The following SLC14A2 variants were observed in gnomAD, a reference collection of about 807,000 sequenced individuals.
The protein encoded by SLC14A2 is urea transporter 2.
In SLC14A2, 91 loss-of-function variants were observed where a neutral mutation model predicts 104.6. The observed-to-expected ratio is 0.87, with a 90% confidence interval of 0.73 to 1.04. The LOEUF is 1.04. SLC14A2 is among the 50% of genes least tolerant of loss of function. The probability of loss-of-function intolerance (pLI) is 0.00; values close to 1 mark genes in which losing one functional copy is unlikely to be tolerated. For synonymous variants in SLC14A2, 476 were observed against 466.4 expected, an observed-to-expected ratio of 1.02 and a Z score of -0.27; for missense variants, 1,189 against 1,156.0, an observed-to-expected ratio of 1.03 and a Z score of -0.41.
At chr18:45,229,164 G>T (rs1157918954) in intron 1 of SLC14A2, among the ~76,000 whole-genome samples, 1 of 152,184 alleles carries the variant, frequency 6.6e-6, no homozygotes, top group Non-Finnish European at 1.5e-5. Flanking sequence ...AAGGACACAT[G>T]ACTCAAGTCT....
chr18:45,210,903 T>TTC (rs1190179250), upstream of SLC14A2, among the ~76,000 whole-genome samples: 2 of 152,232 alleles, frequency 1.3e-5, no homozygotes, highest in Non-Finnish European at 2.9e-5. Context: ...TACTATTTTT[T>TTC]TCTCAGTACA....
intron 1 of SLC14A2, among the ~76,000 whole-genome samples, chr18:45,471,399 G>A (rs556697946): frequency 3.3e-5 from 5 of 152,002 alleles, no homozygotes; most frequent in South Asian, 4.2e-4. Context: ...TTCCTGAGAC[G>A]GTTTATGTTT....
At chr18:45,295,314 T>G (rs1311216724) in intron 1 of SLC14A2, among the ~76,000 whole-genome samples, 1 of 151,968 alleles carries the variant, frequency 6.6e-6, no homozygotes, top group Admixed American at 6.6e-5. Flanking sequence ...TTTTTTTTTT[T>G]AGGAATAGGG....
At chr18:45,179,451 A>G in the SLC14A2 span, among the ~76,000 whole-genome samples, 1 of 152,016 alleles carries the variant, frequency 6.6e-6, no homozygotes, top group Non-Finnish European at 1.5e-5. Context: ...CAGTTTCTTA[A>G]TGCACTCTTT....
intron 1 of SLC14A2, among the ~76,000 whole-genome samples, chr18:45,393,999 C>T (rs2086001100): frequency 6.6e-6 from 1 of 152,230 alleles, no homozygotes; most frequent in African/African-American, 2.4e-5. Context: ...AACCCCTCTC[C>T]ACTCTGTCCT....
chr18:45,250,303 C>T (rs924135136), intron 1 of SLC14A2, among the ~76,000 whole-genome samples: 3 of 152,166 alleles, frequency 2.0e-5, no homozygotes, highest in South Asian at 2.1e-4. Context: ...CAAACACACA[C>T]GCATGCACAC....
At chr18:45,333,837 G>T (rs1157279193) in intron 1 of SLC14A2, among the ~76,000 whole-genome samples, 1 of 152,164 alleles carries the variant, frequency 6.6e-6, no homozygotes, top group Non-Finnish European at 1.5e-5. Context: ...ACTGAGCTCT[G>T]TACTAAGCCC....
At chr18:45,598,728 G>A (rs919387700) in intron 2 of SLC14A2, among the ~76,000 whole-genome samples, 4 of 152,084 alleles carry the variant, frequency 2.6e-5, no homozygotes, top group African/African-American at 9.7e-5. Context: ...CAGGGACCTG[G>A]ACTCTTGTCC....
intron 1 of SLC14A2, among the ~76,000 whole-genome samples, chr18:45,289,945 G>A (rs1233287939): frequency 2.0e-5 from 3 of 152,166 alleles, no homozygotes; most frequent in Non-Finnish European, 4.4e-5. Flanking sequence ...TACCTGGGAT[G>A]AGGCCTCCCT....
the SLC14A2 span, among the ~76,000 whole-genome samples, chr18:45,176,629 C>T: frequency 6.6e-6 from 1 of 152,154 alleles, no homozygotes; most frequent in African/African-American, 2.4e-5. Flanking sequence ...TCTTATTTGA[C>T]GTTGTTGACC....
chr18:45,460,541 G>A (rs1200599898), intron 1 of SLC14A2, among the ~76,000 whole-genome samples: 1 of 152,212 alleles, frequency 6.6e-6, no homozygotes, highest in Non-Finnish European at 1.5e-5. Context: ...GGTCTGAACT[G>A]TAAGAGAAGC....
At chr18:45,264,669 C>G (rs1381671526) in intron 1 of SLC14A2, among the ~76,000 whole-genome samples, 3 of 152,188 alleles carry the variant, frequency 2.0e-5, no homozygotes, top group Admixed American at 2.0e-4. Context: ...GGGGAAGCCC[C>G]TTATAAAATC....
At chr18:45,446,437 A>G (rs2086771172) in intron 1 of SLC14A2, among the ~76,000 whole-genome samples, 1 of 152,198 alleles carries the variant, frequency 6.6e-6, no homozygotes, top group Admixed American at 6.5e-5. Context: ...AGCTGTCTGC[A>G]AGCCAGGAAG....
chr18:45,465,617 C>A (rs1043423551), intron 1 of SLC14A2, among the ~76,000 whole-genome samples: 1 of 152,180 alleles, frequency 6.6e-6, no homozygotes, highest in Admixed American at 6.5e-5. Flanking sequence ...TCTCCTCCTC[C>A]CTTCCTCAGG....
chr18:45,315,572 C>T lies in SLC14A2; in HGVS notation c.-125+102381C>T, dbSNP rs574767046. 1.7e-3 allele frequency among the ~76,000 whole-genome samples: 262 copies of T among 152,192 alleles called. 2 individuals are homozygous for T. Among genetic ancestry groups the T allele is most frequent in the African/African-American group, 6.1e-3 (253 of 41,526 alleles). On this transcript the variant is annotated intron_variant, in intron 1 of 20. Transcript: ENST00000586448. ...GGAGGAACCTGAGCAACCCCCATCC[C>T]TAATTATATGTTGTGTCTCAGAACC...
intron 1 of SLC14A2, among the ~76,000 whole-genome samples, chr18:45,459,628 G>T (rs1339770828): frequency 2.6e-5 from 4 of 152,140 alleles, no homozygotes; most frequent in Non-Finnish European, 5.9e-5. Flanking sequence ...CCGGGGCCTC[G>T]CCCAGTTCCT....
At chr18:45,630,887 T>C (rs2045334089) in intron 4 of SLC14A2, among the ~76,000 whole-genome samples, 1 of 152,148 alleles carries the variant, frequency 6.6e-6, no homozygotes, top group African/African-American at 2.4e-5. Context: ...ACATGTGCCT[T>C]GTGCTACAGC....
intron 1 of SLC14A2, among the ~76,000 whole-genome samples, chr18:45,444,788 T>C (rs1328088548): frequency 6.6e-6 from 1 of 152,212 alleles, no homozygotes; most frequent in Non-Finnish European, 1.5e-5. Flanking sequence ...CATCGACAGC[T>C]CTTTTTAAAG....
At chr18:45,468,301 G>C (rs948475474) in intron 1 of SLC14A2, among the ~76,000 whole-genome samples, 2 of 152,102 alleles carry the variant, frequency 1.3e-5, no homozygotes, top group Non-Finnish European at 2.9e-5. Flanking sequence ...AACCATCAAG[G>C]AAGAGGCAGT....
Sources: allele counts gnomAD v4.1 joint callset (sites outside exome capture counted in the v4.1 genomes callset), GRCh38; gene constraint gnomAD v4.1.1; transcripts MANE v1.5; gene names NCBI Gene and HGNC (gene_info 2026-07-23, HGNC 2026-07-21).